The following VWCE variants were observed in gnomAD, a reference collection of about 807,000 sequenced individuals.
VWCE encodes von Willebrand factor C and EGF domain-containing protein.
Under a neutral mutation model 102.9 loss-of-function variants are expected in VWCE, and 68 were observed. The ratio of observed to expected loss-of-function variants is 0.66; its 90% CI spans 0.54 to 0.81. The LOEUF (loss-of-function observed/expected upper bound fraction) is 0.81, where lower values mean the gene tolerates loss of function less well. Among genes scored for constraint, VWCE ranks in the 30% least tolerant of loss-of-function variants. The pLI, the probability that VWCE is intolerant of heterozygous loss-of-function variation, is 0.00. For synonymous variants in VWCE, 497 were observed against 515.4 expected (o/e 0.96, Z 0.48); for missense variants, 1,137 against 1,263.6 (o/e 0.90, Z 1.52).
In VWCE at chr11:61,259,262, C is replaced by T. The variant is rs530008529; in HGVS notation, c.2281G>A (p.Val761Met). The change falls in exon 20 of 20, where the codon GTG becomes ATG. Residue 761 changes from valine (V) to methionine (M), a missense_variant. Val to Met is a conservative substitution (Grantham distance 21). This residue lies in a region of VWCE where 316 missense variants were observed against 319.3 expected (regional missense o/e 0.99). Transcript: ENST00000335613. ...CTCCGACCAGCTTTGCTGAATGCCACATTTCCGTGAGGGGAGAGCCCCTGC... is the reference window on the plus strand; with the variant it reads ...CTCCGACCAGCTTTGCTGAATGCCATATTTCCGTGAGGGGAGAGCCCCTGC... ...EKQGLSPHGN[V>M]AFSKAGRSLH... The T allele has an allele frequency of 1.3e-5, 21 of 1,608,082 alleles. No individual in the cohort carries two copies. In the East Asian group the frequency reaches 4.5e-4, roughly 34 times the overall value.
intron 13 of VWCE, among the ~76,000 whole-genome samples, chr11:61,272,678 ACATT>A (rs1338852294): frequency 6.6e-6 from 1 of 152,030 alleles, no homozygotes; most frequent in Non-Finnish European, 1.5e-5. Flanking sequence ...AAATTTACAC[ACATT>A]CATACAAATG....
intron 5 of VWCE, among the ~76,000 whole-genome samples, chr11:61,285,007 A>G (rs1331862655): frequency 6.6e-6 from 1 of 152,078 alleles, no homozygotes; most frequent in Non-Finnish European, 1.5e-5. Flanking sequence ...AAGTGAGGAC[A>G]CAGCAAGAAG....
At chr11:61,273,016 TAC>T (rs904986756) in intron 13 of VWCE, among the ~76,000 whole-genome samples, 181 bp downstream of exon 13, 1 of 150,580 alleles carries the variant, frequency 6.6e-6, no homozygotes, top group African/African-American at 2.5e-5. Context: ...CACACAAACT[TAC>T]ACACACAGGT....
intron 4 of VWCE, among the ~76,000 whole-genome samples, chr11:61,287,760 C>CA (rs1240280251): frequency 1.3e-5 from 2 of 152,190 alleles, no homozygotes; most frequent in African/African-American, 4.8e-5. Flanking sequence ...GAGGTGCTTC[C>CA]AGGCAGCAGC....
At chr11:61,290,625 C>G (rs1164664834) in intron 4 of VWCE, among the ~76,000 whole-genome samples, 174 bp downstream of exon 4, 1 of 151,712 alleles carries the variant, frequency 6.6e-6, no homozygotes, top group Non-Finnish European at 1.5e-5. Context: ...TGTAAAATAA[C>G]AGAAGTGACA....
In VWCE at chr11:61,280,696, T is replaced by C; in HGVS notation, c.1252A>G (p.Lys418Glu). The C allele has an allele frequency of 6.2e-7, 1 of 1,613,898 alleles. No individual in the cohort carries two copies. Among genetic ancestry groups the C allele is most frequent in the Non-Finnish European group, 8.5e-7 (1 of 1,179,966 alleles). The change falls in exon 9 of 20, where the codon AAG becomes GAG. Residue 418 changes from lysine (K) to glutamate (E), a missense_variant. Lys to Glu is a moderately conservative substitution (Grantham distance 56). Transcript: ENST00000335613. ...GAACAAGCAGCTTCACACCTCACCTTTTCACAGGTCACCTTCCCGTCCTAG... is the reference window on the plus strand; with the variant it reads ...GAACAAGCAGCTTCACACCTCACCTCTTCACAGGTCACCTTCCCGTCCTAG... The part of the protein sequence containing the change: ...WCEDGKVTCE[K>E]VRCEAACSHP...
intron 19 of VWCE, among the ~76,000 whole-genome samples, chr11:61,263,817 G>A (rs1278887273): frequency 6.6e-6 from 1 of 152,052 alleles, no homozygotes; most frequent in Non-Finnish European, 1.5e-5. Flanking sequence ...GCACACCGTG[G>A]GTGCTCAACA....
chr11:61,258,862 A>C lies in VWCE; in HGVS notation c.2681T>G (p.Leu894Arg). 1 of 1,517,222 alleles carries C rather than the reference A, an allele frequency of 6.6e-7. No individual in the cohort carries two copies. The highest frequency in any genetic ancestry group is 8.8e-7 in the Non-Finnish European group (1 of 1,134,684). The allele number at this position is 1,517,222 out of a possible 1,614,324, so 94.0% of individuals were successfully genotyped here. A position where few individuals can be genotyped will look rare whatever the true frequency, so the allele number is the denominator to read the frequency against. ...VSRWPPLPGT[L>R]LTEASALSMM... ...GGAAAGTGCTGAAGCTTCCGTCAGG[A>C]GGGTGCCAGGCAGAGGAGGCCACCT... is the stretch of plus-strand genomic sequence containing the variant. The change falls in exon 20 of 20, where the codon CTC becomes CGC. Residue 894 changes from leucine to arginine, a missense_variant. Around this residue, in one of 5 missense-constraint regions of VWCE, gnomAD observed 316 missense variants for 319.3 expected, o/e 0.99. Transcript: ENST00000335613.
At chr11:61,288,243 G>A (rs530717078) in intron 4 of VWCE, among the ~76,000 whole-genome samples, 1 of 151,108 alleles carries the variant, frequency 6.6e-6, no homozygotes, top group Non-Finnish European at 1.5e-5. Context: ...CTAGTGAGAT[G>A]TTCTGATCTG....
chr11:61,283,028 C>G (rs567661482), intron 5 of VWCE, 123 bp from the exon 6 acceptor site: 2 of 817,242 alleles, frequency 2.4e-6, no homozygotes, highest in African/African-American at 1.7e-5. Flanking sequence ...ACCACCTTAG[C>G]TGCCCCTCTT....
At chr11:61,264,128 A>G (rs1854436090) in intron 19 of VWCE, among the ~76,000 whole-genome samples, 1 of 145,642 alleles carries the variant, frequency 6.9e-6, no homozygotes, top group African/African-American at 2.5e-5. Context: ...CCGGAGGCTG[A>G]GGCAGGAGAA....
rs775004105 is a variant in VWCE at position 61,294,825 on chromosome 11, C to T, written c.110+103G>A. 10 of 752,794 alleles carry T rather than the reference C, an allele frequency of 1.3e-5. No homozygotes were observed. The highest frequency in any genetic ancestry group is 1.7e-5 in the Non-Finnish European group (9 of 531,998). The allele number at this position is 752,794 out of a possible 1,614,324, so 46.6% of individuals were successfully genotyped here. The stretch of plus-strand genomic sequence containing the variant: ...GATAGCACCCCAGAGGAAGCCCCGA[C>T]ACGCGGCTGCCTGCGGCTCCTGAGC... On this transcript the variant is annotated intron_variant, in intron 1 of 19. Transcript: ENST00000335613. The surrounding 1 kb of genome is among the most constrained non-coding windows in gnomAD (Gnocchi z 6.3).
chr11:61,258,373 C>G lies in VWCE; in HGVS notation c.*302G>C. 1 of 253,164 alleles carries G rather than the reference C, an allele frequency of 4.0e-6. No individual in the cohort carries two copies. The highest frequency in any genetic ancestry group is 7.5e-6 in the Non-Finnish European group (1 of 133,946). The allele number at this position is 253,164 out of a possible 1,614,324, so 15.7% of individuals were successfully genotyped here. On this transcript the variant is annotated 3_prime_UTR_variant, in exon 20 of 20. Transcript: ENST00000335613. ...CAGTCCCAGTGAGTGGAATCCCAGCCGGACGCAACTCTTCCTCCAGGAGAA... is the reference window on the plus strand; with the variant it reads ...CAGTCCCAGTGAGTGGAATCCCAGCGGGACGCAACTCTTCCTCCAGGAGAA...
At chr11:61,289,177 C>G (rs562207752) in intron 4 of VWCE, among the ~76,000 whole-genome samples, 1 of 151,952 alleles carries the variant, frequency 6.6e-6, no homozygotes, top group Non-Finnish European at 1.5e-5. Flanking sequence ...CACTGCAAAC[C>G]TCTTAAATAA....
chr11:61,278,833 G>A (rs1156987452), intron 9 of VWCE, among the ~76,000 whole-genome samples: 1 of 152,166 alleles, frequency 6.6e-6, no homozygotes, highest in East Asian at 1.9e-4. Flanking sequence ...AAGGTCAGGA[G>A]TTTGAGACCA....
intron 4 of VWCE, 50 bp from the exon 5 acceptor site, chr11:61,286,480 C>G: frequency 6.4e-7 from 1 of 1,550,620 alleles, no homozygotes; most frequent in Non-Finnish European, 8.8e-7. Flanking sequence ...GCAAGAGGAA[C>G]TTACACATTT....
intron 18 of VWCE, 43 bp downstream of exon 18, chr11:61,264,913 G>C (rs1197100079): frequency 6.2e-7 from 1 of 1,603,868 alleles, no homozygotes; most frequent in Non-Finnish European, 8.5e-7. Context: ...GCAAGAAGCT[G>C]CCCTCTGGCG....
intron 16 of VWCE, 137 bp from the exon 17 acceptor site, chr11:61,265,349 G>A: frequency 2.7e-6 from 2 of 727,832 alleles, no homozygotes; most frequent in Non-Finnish European, 4.2e-6. Context: ...TGGGGCAGTG[G>A]GGCAGGGGGC....
rs567933428 is a variant in VWCE, at chr11:61,287,071, T to G, written c.425-641A>C. Among the ~76,000 whole-genome samples, 10 of 151,950 alleles carry G rather than the reference T, an allele frequency of 6.6e-5. No homozygotes were observed. The East Asian group carries it at 1.7e-3, about 27-fold the overall frequency. On this transcript the variant is annotated intron_variant, in intron 4 of 19. Coordinates refer to ENST00000335613, the MANE Select transcript of VWCE (RefSeq NM_152718.2). The stretch of plus-strand genomic sequence containing the variant: ...AAGATCGCACCACTGCACTCCAGCC[T>G]GGGCGACAGAGCGAGACTCCATCTC...
Sources: gnomAD v4.1 joint callset for allele counts (sites outside exome capture counted in the v4.1 genomes callset) on GRCh38, gnomAD v4.1.1 for gene constraint, gnomAD v4.1.1 regional missense constraint, Gnocchi (gnomAD v3.1) non-coding constraint, MANE v1.5 for transcripts, NCBI Gene and HGNC (gene_info 2026-07-23, HGNC 2026-07-21) for gene names.